Variants in MCF2L2 observed in about 807,000 individuals in gnomAD.
MCF2L2 encodes probable guanine nucleotide exchange factor MCF2L2.
Under a neutral mutation model 150.2 loss-of-function variants are expected in MCF2L2, and 102 were observed. That is an observed-to-expected ratio of 0.68 (90% CI 0.58 to 0.80). The LOEUF is 0.80. Ranked by LOEUF, MCF2L2 falls within the 30% of genes least tolerant of loss-of-function variation. MCF2L2 has a pLI of 0.00. For synonymous variants in MCF2L2, 465 were observed against 491.3 expected, an observed-to-expected ratio of 0.95 and a Z score of 0.71; for missense variants, 1,256 against 1,372.8, an observed-to-expected ratio of 0.91 and a Z score of 1.34.
At chr3:183,369,119 C>A (rs79970757) in intron 3 of MCF2L2, among the ~76,000 whole-genome samples, 3,067 of 152,248 alleles carry the variant, frequency 0.02, 108 homozygotes, top group African/African-American at 0.07. Context: ...AGTCCCCCAA[C>A]TGACCGAATG....
chr3:183,420,262 C>T, intron 1 of MCF2L2, among the ~76,000 whole-genome samples: 1 of 152,212 alleles, frequency 6.6e-6, no homozygotes, highest in East Asian at 1.9e-4. Context: ...AGTACCCCCA[C>T]TCTTAGTACC....
In MCF2L2 at chr3:183,207,756, T is replaced by C. The variant is rs1722549506; in HGVS notation, c.2564A>G (p.Asp855Gly). ...AATCAAATCCTTCATTTTATAACGA[T>C]CCTTGTGAATTGTCCAGACGCTGAA... The part of the protein sequence containing the change: ...GPFSVWTIHK[D>G]RYKMKDLIRF... Residue 855 changes from aspartate (D) to glycine (G), a missense_variant, in exon 23 of 30, where the codon GAT (aspartate) becomes GGT (glycine). Coordinates refer to ENST00000328913, the MANE Select transcript of MCF2L2 (RefSeq NM_015078.4). 1.2e-6 allele frequency: 2 copies of C among 1,614,092 alleles called. No individual in the cohort carries two copies. Among genetic ancestry groups the C allele is most frequent in the Non-Finnish European group, 1.7e-6 (2 of 1,180,036 alleles).
chr3:183,323,322 A>G lies in MCF2L2; in HGVS notation c.516T>C (p.Leu172=), dbSNP rs1438844296. 2 of 1,613,746 alleles carry G rather than the reference A, an allele frequency of 1.2e-6. No homozygotes were observed. Among genetic ancestry groups the G allele is most frequent in the Admixed American group, 1.7e-5 (1 of 60,024 alleles). Reference sequence around the variant, plus strand: ...GTTGGCTTTTGTCGATGTAGCCGTGAAGGTCAGAGACAGAGTTTACCATGA... The same window carrying G: ...GTTGGCTTTTGTCGATGTAGCCGTGGAGGTCAGAGACAGAGTTTACCATGA... ...PIIMVNSVSD[L]HGYIDKSQLT... The change falls in exon 6 of 30, where the codon CTT becomes CTC. Residue 172 remains leucine, a synonymous_variant. Transcript: ENST00000328913.
intron 14 of MCF2L2, among the ~76,000 whole-genome samples, chr3:183,279,898 G>A (rs897324881): frequency 2.6e-5 from 4 of 152,098 alleles, no homozygotes; most frequent in African/African-American, 4.8e-5. Flanking sequence ...GCATAGTGGC[G>A]CATGTCTGTA....
At chr3:183,192,418 C>T (rs745816742) in intron 27 of MCF2L2, among the ~76,000 whole-genome samples, 4 of 152,312 alleles carry the variant, frequency 2.6e-5, no homozygotes, top group South Asian at 2.1e-4. Context: ...GGATTATAGG[C>T]GTGAGCCACC....
At chr3:183,321,179 T>C (rs1163219176) in intron 6 of MCF2L2, among the ~76,000 whole-genome samples, 2 of 152,200 alleles carry the variant, frequency 1.3e-5, no homozygotes, top group African/African-American at 4.8e-5. Flanking sequence ...GGCTCATGCC[T>C]GTAATCCCAG....
At chr3:183,180,873 C>T (rs559179057) in intron 27 of MCF2L2, among the ~76,000 whole-genome samples, 2 of 152,352 alleles carry the variant, frequency 1.3e-5, no homozygotes, top group African/African-American at 4.8e-5. Flanking sequence ...GTCCTCTTGG[C>T]CTGTGGCAGG....
intron 5 of MCF2L2, among the ~76,000 whole-genome samples, chr3:183,333,167 C>G (rs1361627724): frequency 6.6e-6 from 1 of 152,100 alleles, no homozygotes; most frequent in Admixed American, 6.5e-5. Context: ...CTGCCTCAGC[C>G]CCCCGAGTAG....
chr3:183,369,899 T>C (rs1363271296), intron 3 of MCF2L2, among the ~76,000 whole-genome samples: 1 of 152,224 alleles, frequency 6.6e-6, no homozygotes, highest in African/African-American at 2.4e-5. Flanking sequence ...AGTTTGATTT[T>C]AAAAAGGCAA....
intron 3 of MCF2L2, chr3:183,372,845 G>C (rs900686675): frequency 1.3e-5 from 2 of 152,192 alleles, no homozygotes; most frequent in Non-Finnish European, 2.9e-5. Flanking sequence ...AAACTAAGTA[G>C]AGAAACACAG....
intron 15 of MCF2L2, among the ~76,000 whole-genome samples, chr3:183,242,867 C>G (rs1237255977): frequency 1.3e-5 from 2 of 152,224 alleles, no homozygotes; most frequent in African/African-American, 4.8e-5. Flanking sequence ...GGGGGCTGTA[C>G]CCTGCAAAGC....
chr3:183,311,827 T>C (rs1435770395), intron 7 of MCF2L2, 55 bp from the exon 8 acceptor site: 2 of 1,537,658 alleles, frequency 1.3e-6, no homozygotes, highest in African/African-American at 2.8e-5. Flanking sequence ...AAATTCTTGG[T>C]AGAATTGAGG....
intron 3 of MCF2L2, among the ~76,000 whole-genome samples, chr3:183,363,527 C>T (rs1215825123): frequency 6.6e-6 from 1 of 152,038 alleles, no homozygotes; most frequent in African/African-American, 2.4e-5. Context: ...AACTTAAATA[C>T]GTATTACTAA....
intron 3 of MCF2L2, among the ~76,000 whole-genome samples, chr3:183,363,425 C>T (rs979658772): frequency 4.6e-5 from 7 of 152,026 alleles, no homozygotes; most frequent in South Asian, 2.1e-4. Flanking sequence ...ATGATGCAGA[C>T]GAATGGAAAA....
At chr3:183,370,510 C>G (rs1406483614) in intron 3 of MCF2L2, among the ~76,000 whole-genome samples, 3 of 152,242 alleles carry the variant, frequency 2.0e-5, no homozygotes, top group Non-Finnish European at 2.9e-5. Context: ...TTTTGAATTT[C>G]TGAAGCAATC....
intron 15 of MCF2L2, among the ~76,000 whole-genome samples, chr3:183,241,332 A>G: frequency 6.6e-6 from 1 of 152,082 alleles, no homozygotes. Context: ...TGTACTGGCA[A>G]ATTCTTTGGT....
At chr3:183,284,125 ATTTC>A (rs899748361) in intron 14 of MCF2L2, among the ~76,000 whole-genome samples, 6 of 152,112 alleles carry the variant, frequency 3.9e-5, no homozygotes, top group Admixed American at 3.9e-4. Flanking sequence ...TAGTGATGTC[ATTTC>A]TTTATTGGTG....
intron 1 of MCF2L2, among the ~76,000 whole-genome samples, chr3:183,426,295 G>A (rs1489568425): frequency 1.3e-5 from 2 of 152,118 alleles, no homozygotes; most frequent in African/African-American, 2.4e-5. Flanking sequence ...GAAATAGGAG[G>A]GACCTTTAAA....
intron 21 of MCF2L2, among the ~76,000 whole-genome samples, chr3:183,218,149 G>A (rs148585531): frequency 1.3e-5 from 2 of 152,252 alleles, no homozygotes; most frequent in Non-Finnish European, 1.5e-5. Context: ...TAATCTATGC[G>A]GAAGCACTGG....
Sources: allele counts gnomAD v4.1 joint callset (sites outside exome capture counted in the v4.1 genomes callset), GRCh38; gene constraint gnomAD v4.1.1; transcripts MANE v1.5; gene names NCBI Gene and HGNC (gene_info 2026-07-23, HGNC 2026-07-21).